CCDC102B: variants seen among roughly 807,000 people sequenced by gnomAD.
CCDC102B encodes the protein coiled-coil domain-containing protein 102B.
A neutral mutation model predicts 57.4 loss-of-function variants in CCDC102B; 75 were observed. The ratio of observed to expected loss-of-function variants is 1.31; its 90% CI spans 1.08 to 1.58. The LOEUF is 1.58. Ranked by LOEUF, CCDC102B falls within the 40% of genes most tolerant of loss-of-function variation. The probability of loss-of-function intolerance (pLI) is 0.00; values close to 1 mark genes in which losing one functional copy is unlikely to be tolerated. For synonymous variants in CCDC102B, 206 were observed against 201.9 expected (o/e 1.02, Z -0.17); for missense variants, 636 against 582.6 (o/e 1.09, Z -0.94).
In CCDC102B at chr18:69,010,946, C is replaced by T. The variant is rs756836181; in HGVS notation, c.1276C>T (p.Leu426Phe). Residue 426 changes from leucine (L) to phenylalanine (F), a missense_variant, in exon 7 of 8, where the codon CTT becomes TTT. Physicochemically the swap from Leu to Phe is conservative, Grantham distance 22 (BLOSUM62 0). Transcript: ENST00000360242. The part of the protein sequence containing the change: ...LQEKNQELLN[L>F]QHAYYKLNRQ... ...TTTCCTTTGAAAGGAATTACTGAAC[C>T]TTCAACATGCCTACTATAAACTAAA... 1 of 1,589,700 alleles carries T rather than the reference C, an allele frequency of 6.3e-7. No homozygotes were observed. Among genetic ancestry groups the T allele is most frequent in the South Asian group, 1.2e-5 (1 of 86,146 alleles).
intron 6 of CCDC102B, among the ~76,000 whole-genome samples, chr18:68,980,134 T>G (rs2145288887): frequency 6.6e-6 from 1 of 152,086 alleles, no homozygotes; most frequent in Non-Finnish European, 1.5e-5. Context: ...CCCGGTTGTA[T>G]CTAAACTGCT....
intron 2 of CCDC102B, among the ~76,000 whole-genome samples, chr18:68,738,594 C>T (rs780923026): frequency 1.2e-4 from 19 of 152,296 alleles, no homozygotes; most frequent in Non-Finnish European, 2.2e-4. Flanking sequence ...GCCGTTGGAC[C>T]CATGCATCTC....
Position 68,837,041 on chromosome 18 carries a change from G to A in CCDC102B, c.278G>A (p.Arg93Gln), listed in dbSNP as rs574205395. ...ARAAQMEKTM[R>Q]WWSDCTANWR... ...GCTGCTCAGATGGAAAAGACCATGC[G>A]GTGGTGGTCGGACTGCACTGCCAAC... Residue 93 changes from arginine to glutamine, a missense_variant, in exon 2 of 8, where the codon CGG (arginine) becomes CAG (glutamine). By Grantham distance (43) the Arg-to-Gln change is conservative. Coordinates refer to ENST00000360242, the MANE Select transcript of CCDC102B (RefSeq NM_024781.3). 48 of 1,614,132 alleles carry A rather than the reference G, an allele frequency of 3.0e-5. No homozygotes were observed. Among genetic ancestry groups the A allele is most frequent in the East Asian group, 4.5e-5 (2 of 44,880 alleles).
chr18:68,813,782 A>G (rs1182701893), intron 1 of CCDC102B, among the ~76,000 whole-genome samples: 1 of 149,998 alleles, frequency 6.7e-6, no homozygotes, highest in East Asian at 1.9e-4. Flanking sequence ...TTTTATATAT[A>G]TATATATATA....
rs2052792938 is a variant in CCDC102B at position 69,055,040 on chromosome 18, T to C, written c.*903T>C. On this transcript the variant is annotated 3_prime_UTR_variant, in exon 8 of 8. Coordinates refer to ENST00000360242, the MANE Select transcript of CCDC102B (RefSeq NM_024781.3). ...TTGAACAAAAAGACACTTATAATTT[T>C]CCATACCTATTTTCAACTGAAGGCA... is the stretch of plus-strand genomic sequence containing the variant. 1.0e-6 allele frequency: 1 copy of C among 983,122 alleles called. No homozygotes were observed. The highest frequency in any genetic ancestry group is 4.7e-5 in the South Asian group (1 of 21,250). The allele number at this position is 983,122 out of a possible 1,614,324, so 60.9% of individuals were successfully genotyped here. A position where few individuals can be genotyped will look rare whatever the true frequency, so the allele number is the denominator to read the frequency against.
At chr18:68,786,137 G>T (rs1209550531) in intron 2 of CCDC102B, among the ~76,000 whole-genome samples, 5 of 148,294 alleles carry the variant, frequency 3.4e-5, no homozygotes, top group African/African-American at 1.3e-4. Flanking sequence ...TCAGATAGTT[G>T]TAGATATGTG....
chr18:68,720,239 T>G (rs576094647), intron 2 of CCDC102B, among the ~76,000 whole-genome samples: 10 of 152,356 alleles, frequency 6.6e-5, no homozygotes, highest in African/African-American at 2.4e-4. Flanking sequence ...CTAAATTTCT[T>G]GCATAACACT....
intron 1 of CCDC102B, among the ~76,000 whole-genome samples, chr18:68,834,627 C>A (rs668815): frequency 0.95 from 143,232 of 151,234 alleles, 68,314 homozygotes; most frequent in East Asian, 1. Flanking sequence ...GCTAACAAAA[C>A]TAATTACAAC....
intron 7 of CCDC102B, among the ~76,000 whole-genome samples, chr18:69,026,083 G>A (rs897210479): frequency 1.6e-4 from 25 of 152,126 alleles, no homozygotes; most frequent in African/African-American, 6.0e-4. Flanking sequence ...GAAGTTCTAA[G>A]GCAGAACTCA....
At chr18:68,986,516 C>A (rs1314549004) in intron 6 of CCDC102B, among the ~76,000 whole-genome samples, 1 of 152,098 alleles carries the variant, frequency 6.6e-6, no homozygotes, top group Non-Finnish European at 1.5e-5. Flanking sequence ...CCATCTATGA[C>A]AAACTTACTG....
At chr18:68,897,719 T>A in intron 6 of CCDC102B, 1 of 1,035,966 alleles carries the variant, frequency 9.7e-7, no homozygotes, top group Non-Finnish European at 1.3e-6. Flanking sequence ...TGTTTCTTAT[T>A]AAAGCTTTGT....
chr18:69,048,736 C>A (rs1340094047), intron 7 of CCDC102B, among the ~76,000 whole-genome samples: 1 of 151,914 alleles, frequency 6.6e-6, no homozygotes, highest in Non-Finnish European at 1.5e-5. Flanking sequence ...CTCCCCCATA[C>A]CCCTTGGAAG....
At chr18:68,885,377 T>C (rs983425798) in intron 5 of CCDC102B, among the ~76,000 whole-genome samples, 1 of 152,046 alleles carries the variant, frequency 6.6e-6, no homozygotes, top group Non-Finnish European at 1.5e-5. Context: ...AAGGTCATGA[T>C]GGTTTAGATG....
At chr18:69,011,270 A>G in intron 7 of CCDC102B, 166 bp downstream of exon 7, 3 of 659,726 alleles carry the variant, frequency 4.5e-6, no homozygotes, top group Non-Finnish European at 7.5e-6. Flanking sequence ...GATTACACAG[A>G]CAATGTGCAC....
chr18:69,056,193 A>G (rs979379365), downstream of CCDC102B, among the ~76,000 whole-genome samples: 1 of 152,142 alleles, frequency 6.6e-6, no homozygotes, highest in Non-Finnish European at 1.5e-5. Context: ...TTGAAGTTGC[A>G]TAGTAAACAT....
chr18:68,740,991 T>G (rs537913260), intron 2 of CCDC102B, among the ~76,000 whole-genome samples: 16 of 152,274 alleles, frequency 1.1e-4, no homozygotes, highest in African/African-American at 3.4e-4. Flanking sequence ...TTGCAAATGT[T>G]GAGAAATAAA....
intron 6 of CCDC102B, chr18:68,908,658 A>G (rs2040729853): frequency 6.6e-6 from 1 of 152,206 alleles, no homozygotes; most frequent in East Asian, 1.9e-4. Context: ...TCTTAAAAAC[A>G]TAGCATTCAG....
chr18:68,757,170 C>T (rs1306484776), intron 2 of CCDC102B, among the ~76,000 whole-genome samples: 1 of 152,100 alleles, frequency 6.6e-6, no homozygotes, highest in Non-Finnish European at 1.5e-5. Context: ...ACTTTTTTCT[C>T]CTTATCCCTG....
At chr18:68,856,234 T>C (rs1423073800) in intron 4 of CCDC102B, among the ~76,000 whole-genome samples, 5 of 152,184 alleles carry the variant, frequency 3.3e-5, no homozygotes, top group African/African-American at 9.6e-5. Flanking sequence ...GTTAATTCTT[T>C]TAAAACTCTA....
Sources: allele counts gnomAD v4.1 joint callset (sites outside exome capture counted in the v4.1 genomes callset), GRCh38; gene constraint gnomAD v4.1.1; transcripts MANE v1.5; gene names NCBI Gene and HGNC (gene_info 2026-07-23, HGNC 2026-07-21).